The following RUNX1 variants were observed in gnomAD, a reference collection of about 807,000 sequenced individuals.
RUNX1 encodes the protein RUNX family transcription factor 1.
Under a neutral mutation model 42.8 loss-of-function variants are expected in RUNX1, and 19 were observed. The ratio of observed to expected loss-of-function variants is 0.44; its 90% CI spans 0.31 to 0.65. The LOEUF is 0.65. Among genes scored for constraint, RUNX1 ranks in the 30% least tolerant of loss-of-function variants. The pLI is 0.07. For missense variants in RUNX1, 528 were observed against 672.0 expected, an observed-to-expected ratio of 0.79 and a Z score of 2.37; for synonymous variants, 271 against 289.4, an observed-to-expected ratio of 0.94 and a Z score of 0.64.
In RUNX1 at chr21:34,983,913, G is replaced by A. The variant is rs974070357; in HGVS notation, c.58+64929C>T. Among the ~76,000 whole-genome samples, 36 of 152,176 alleles carry A rather than the reference G, an allele frequency of 2.4e-4. 1 individual carries two copies. The highest frequency in any genetic ancestry group is 3.5e-4 in the Non-Finnish European group (24 of 68,040). ...AGCCCTGCTGACTCAGGGGCCAATG[G>A]TGCTGCTGCCAGAAATAGGGGAGCT... is the stretch of plus-strand genomic sequence containing the variant. On this transcript the variant is annotated intron_variant, in intron 2 of 8. Transcript: ENST00000675419.
intron 7 of RUNX1, among the ~76,000 whole-genome samples, chr21:34,808,424 T>C (rs2056712402): frequency 6.6e-6 from 1 of 152,278 alleles, no homozygotes. Context: ...CACTCCCTGC[T>C]TCCGGGACCC....
chr21:34,915,965 G>C (rs1486034744), intron 2 of RUNX1, among the ~76,000 whole-genome samples: 1 of 152,174 alleles, frequency 6.6e-6, no homozygotes, highest in Non-Finnish European at 1.5e-5. Flanking sequence ...ACAGTAATGA[G>C]ATCCAAGCAG....
chr21:34,851,243 G>A (rs912842736), intron 6 of RUNX1, among the ~76,000 whole-genome samples: 10 of 152,252 alleles, frequency 6.6e-5, no homozygotes, highest in African/African-American at 2.2e-4. Flanking sequence ...TGTACCACCT[G>A]AGTGCATGTG....
At chr21:34,802,864 C>G (rs1001982441) in intron 7 of RUNX1, among the ~76,000 whole-genome samples, 2 of 152,182 alleles carry the variant, frequency 1.3e-5, no homozygotes, top group African/African-American at 4.8e-5. Flanking sequence ...TTCTCTGATT[C>G]ATAGTTAGAA....
intron 5 of RUNX1, among the ~76,000 whole-genome samples, chr21:34,865,287 T>C (rs976222580): frequency 7.0e-4 from 77 of 110,006 alleles, no homozygotes; most frequent in African/African-American, 2.9e-3. Flanking sequence ...TGCGTGTGTG[T>C]GTGTGTGTGT....
At chr21:35,047,514 A>AACAC (rs145398828) in intron 2 of RUNX1, among the ~76,000 whole-genome samples, 199 of 70,624 alleles carry the variant, frequency 2.8e-3, no homozygotes, top group Non-Finnish European at 4.2e-3. Flanking sequence ...TGCCATCTCC[A>AACAC]ACACACACAC....
intron 2 of RUNX1, among the ~76,000 whole-genome samples, chr21:34,978,175 T>C (rs1164114290): frequency 6.6e-6 from 1 of 152,148 alleles, no homozygotes; most frequent in Non-Finnish European, 1.5e-5. Flanking sequence ...CCTGACCTCA[T>C]GATCCGCCCG....
chr21:34,829,204 A>G (rs1370752370), intron 7 of RUNX1, among the ~76,000 whole-genome samples: 1 of 152,234 alleles, frequency 6.6e-6, no homozygotes. Flanking sequence ...TTAGATTCCC[A>G]GCTCAAGCCT....
chr21:34,913,052 G>GA (rs2058284535), intron 2 of RUNX1, among the ~76,000 whole-genome samples: 1 of 152,178 alleles, frequency 6.6e-6, no homozygotes, highest in African/African-American at 2.4e-5. Context: ...TCAACATAGT[G>GA]AAACCCTGAC....
intron 7 of RUNX1, among the ~76,000 whole-genome samples, chr21:34,822,359 G>A (rs1225288325): frequency 6.6e-6 from 1 of 152,178 alleles, no homozygotes; most frequent in Non-Finnish European, 1.5e-5. Flanking sequence ...CTATAAATAC[G>A]AGCTATCATT....
At chr21:34,849,332 C>T (rs556403187) in intron 6 of RUNX1, among the ~76,000 whole-genome samples, 2 of 24,660 alleles carry the variant, frequency 8.1e-5, no homozygotes, top group Non-Finnish European at 1.6e-4. Context: ...ATTATATATA[C>T]TATATATATT....
chr21:34,846,781 C>T (rs1425899684), intron 6 of RUNX1, among the ~76,000 whole-genome samples: 2 of 152,210 alleles, frequency 1.3e-5, no homozygotes, highest in Non-Finnish European at 2.9e-5. Flanking sequence ...CTGCACTCAG[C>T]TACCTATTTA....
At chr21:34,939,721 T>C (rs2058512838) in intron 2 of RUNX1, among the ~76,000 whole-genome samples, 1 of 152,184 alleles carries the variant, frequency 6.6e-6, no homozygotes, top group South Asian at 2.1e-4. Context: ...AAACAATAGC[T>C]TGTAGAAGCT....
intron 7 of RUNX1, among the ~76,000 whole-genome samples, chr21:34,808,314 A>C (rs1449763460): frequency 6.6e-6 from 1 of 152,200 alleles, no homozygotes; most frequent in Non-Finnish European, 1.5e-5. Flanking sequence ...TAAAGGCCTC[A>C]GGTTTTGAGG....
intron 2 of RUNX1, among the ~76,000 whole-genome samples, chr21:34,920,576 G>A (rs192150634): frequency 6.6e-6 from 1 of 152,252 alleles, no homozygotes; most frequent in African/African-American, 2.4e-5. Context: ...ATGACTGTCT[G>A]GAGAAGGTCT....
At chr21:34,884,227 G>A (rs996113859) in intron 4 of RUNX1, among the ~76,000 whole-genome samples, 9 of 152,158 alleles carry the variant, frequency 5.9e-5, no homozygotes, top group African/African-American at 2.2e-4. Context: ...AAGGAGTAGG[G>A]GGAGAACAGG....
rs534589354 is a variant in RUNX1 at position 34,975,366 on chromosome 21, G to A, written c.58+73476C>T. Reference sequence around the variant, plus strand: ...GGATGGTTGTCTGTATTGAACATGCGCAGACTTTTTTCCTGTCATTCTTCC... The same window carrying A: ...GGATGGTTGTCTGTATTGAACATGCACAGACTTTTTTCCTGTCATTCTTCC... On this transcript the variant is annotated intron_variant, in intron 2 of 8. Transcript: ENST00000675419. Among the ~76,000 whole-genome samples the A allele has an allele frequency of 7.2e-5, 11 of 152,306 alleles. No homozygotes were observed. The South Asian group carries it at 1.2e-3, about 17-fold the overall frequency.
At chr21:34,990,997 A>G (rs543767265) in intron 2 of RUNX1, among the ~76,000 whole-genome samples, 1 of 152,290 alleles carries the variant, frequency 6.6e-6, no homozygotes, top group South Asian at 2.1e-4. Context: ...GCCACAGGTC[A>G]CTCACTTATT....
At chr21:34,926,274 A>G (rs1398092175) in intron 2 of RUNX1, among the ~76,000 whole-genome samples, 3 of 151,826 alleles carry the variant, frequency 2.0e-5, no homozygotes, top group South Asian at 2.1e-4. Flanking sequence ...CAAAAGTTTG[A>G]GACCAGCCTG....
Sources: gnomAD v4.1 joint callset for allele counts (sites outside exome capture counted in the v4.1 genomes callset) on GRCh38, gnomAD v4.1.1 for gene constraint, MANE v1.5 for transcripts, NCBI Gene and HGNC (gene_info 2026-07-23, HGNC 2026-07-21) for gene names.